The following NPRL3 variants were observed in gnomAD, a reference collection of about 807,000 sequenced individuals.
NPRL3 encodes GATOR1 complex protein NPRL3.
In NPRL3, 23 loss-of-function variants were observed where a neutral mutation model predicts 57.2. The observed-to-expected ratio is 0.40, with a 90% confidence interval of 0.29 to 0.57. NPRL3 has a LOEUF of 0.57. Among genes scored for constraint, NPRL3 ranks in the 20% least tolerant of loss-of-function variants. The pLI, the probability that NPRL3 is intolerant of heterozygous loss-of-function variation, is 0.42. For synonymous variants in NPRL3, 333 were observed against 321.1 expected (o/e 1.04, Z -0.39); for missense variants, 691 against 767.1 (o/e 0.90, Z 1.17).
rs531822636 is a variant in NPRL3, at chr16:99,216, G to A, written c.768-915C>T. On this transcript the variant is annotated intron_variant, in intron 8 of 13. Coordinates refer to ENST00000611875, the MANE Select transcript of NPRL3 (RefSeq NM_001077350.3). ...ACTGGGGAGGGTGGAACTAGGCAGC[G>A]CTTTGCTTTCTGTCATTTCCAAATT... 2.3e-4 allele frequency among the ~76,000 whole-genome samples: 35 copies of A among 152,294 alleles called. 1 individual carries two copies. The South Asian group carries it at 5.2e-3, about 23-fold the overall frequency.
chr16:137,833 G>A (rs916415571), intron 2 of NPRL3, among the ~76,000 whole-genome samples: 28 of 151,940 alleles, frequency 1.8e-4, no homozygotes, highest in Non-Finnish European at 3.8e-4. Context: ...CCAAAGTGCT[G>A]GGATTACCGC....
intron 4 of NPRL3, 84 bp downstream of exon 4, chr16:119,042 A>C (rs1162899443): frequency 1.3e-6 from 2 of 1,555,704 alleles, no homozygotes; most frequent in African/African-American, 2.9e-5. Flanking sequence ...AAGGAGAGCC[A>C]CACCTGCCCA....
At chr16:130,695 G>T in intron 2 of NPRL3, 104 bp from the exon 3 acceptor site, 2 of 1,039,552 alleles carry the variant, frequency 1.9e-6, no homozygotes, top group Non-Finnish European at 2.9e-6. Context: ...AACATGCTCT[G>T]TCCATACCAT....
intron 2 of NPRL3, among the ~76,000 whole-genome samples, chr16:131,652 A>G (rs1217600008): frequency 6.6e-6 from 1 of 151,520 alleles, no homozygotes; most frequent in Non-Finnish European, 1.5e-5. Flanking sequence ...CAGCAAAACA[A>G]TCGTTTTGCT....
chr16:88,737 G>C lies in NPRL3; in HGVS notation c.1505C>G (p.Pro502Arg). The change falls in exon 13 of 14, where the codon CCC becomes CGC. Residue 502 changes from proline to arginine, a missense_variant. Coordinates refer to ENST00000611875, the MANE Select transcript of NPRL3 (RefSeq NM_001077350.3). ...EHERAAILSV[P>R]AAQNPEDLRM... ...GAGGTCCTCAGGGTTCTGGGCTGCG[G>C]GTACACTGAGGATGGCTGCGCGTTC... is the stretch of plus-strand genomic sequence containing the variant. The C allele has an allele frequency of 1.2e-6, 2 of 1,613,518 alleles. No individual in the cohort carries two copies. Among genetic ancestry groups the C allele is most frequent in the Non-Finnish European group, 1.7e-6 (2 of 1,179,666 alleles).
At chr16:117,503 G>A (rs1900094344) in intron 4 of NPRL3, 128 bp from the exon 5 acceptor site, 2 of 645,376 alleles carry the variant, frequency 3.1e-6, no homozygotes, top group South Asian at 2.0e-5. Flanking sequence ...AGCAATGAAT[G>A]CCTTTGCTCT....
At chr16:98,906 C>G (rs1429021204) in intron 8 of NPRL3, among the ~76,000 whole-genome samples, 1 of 152,140 alleles carries the variant, frequency 6.6e-6, no homozygotes, top group African/African-American at 2.4e-5. Context: ...CCATTGCACT[C>G]CAGCCTGGCG....
intron 7 of NPRL3, among the ~76,000 whole-genome samples, chr16:103,325 T>TTTTTTTG (rs1899389976): frequency 7.7e-6 from 1 of 129,700 alleles, no homozygotes; most frequent in African/African-American, 3.0e-5. Flanking sequence ...TTTTTTTTTT[T>TTTTTTTG]GTAGAGACAG....
At chr16:122,283 G>A (rs1024127016) in intron 3 of NPRL3, among the ~76,000 whole-genome samples, 1 of 151,662 alleles carries the variant, frequency 6.6e-6, no homozygotes, top group Non-Finnish European at 1.5e-5. Context: ...TTTTTTAGTA[G>A]AGACAAGGTT....
In NPRL3 at chr16:134,579, G is replaced by C. The variant is rs533375131; in HGVS notation, c.118+3571C>G. 2.4e-4 allele frequency among the ~76,000 whole-genome samples: 37 copies of C among 151,720 alleles called. 1 individual carries two copies. In the South Asian group the frequency reaches 7.1e-3, roughly 29 times the overall value. On this transcript the variant is annotated intron_variant, in intron 2 of 13. Coordinates refer to ENST00000611875, the MANE Select transcript of NPRL3 (RefSeq NM_001077350.3). ...GAGTGGGACCTAATGCACTTGATGC[G>C]AAAGTTTACAGGGAAAAATAATAAA...
intron 2 of NPRL3, among the ~76,000 whole-genome samples, chr16:132,880 A>G (rs558681761): frequency 6.6e-6 from 1 of 152,178 alleles, no homozygotes; most frequent in Non-Finnish European, 1.5e-5. Flanking sequence ...TGTGTTAGCC[A>G]GGATGGTCTT....
At chr16:95,350 T>C (rs12934105) in intron 9 of NPRL3, among the ~76,000 whole-genome samples, 6,544 of 110,812 alleles carry the variant, frequency 0.059, 299 homozygotes, top group African/African-American at 0.13. Context: ...TATATATATA[T>C]ACACACACAC....
In NPRL3 at chr16:119,147, C is replaced by T. The variant is rs1567142676; in HGVS notation, c.297G>A (p.Leu99=). Residue 99 remains leucine (L), a synonymous_variant, in exon 4 of 14, where the codon CTG becomes CTA. Transcript: ENST00000611875. ...ATACCTGCCCCAGAGCATGCTGTAG[C>T]AGTGTTGGGTGCCCAACAAATCGCA... ...DNVRFVGHPT[L]LQHALGQISK... is the part of the protein sequence containing the mutation. The T allele has an allele frequency of 6.2e-7, 1 of 1,613,624 alleles. No homozygotes were observed. The highest frequency in any genetic ancestry group is 1.1e-5 in the South Asian group (1 of 90,976).
At chr16:111,448 ATT>A (rs1027695658) in intron 6 of NPRL3, among the ~76,000 whole-genome samples, 1 of 151,588 alleles carries the variant, frequency 6.6e-6, no homozygotes, top group African/African-American at 2.4e-5. Flanking sequence ...TTTTATTTTT[ATT>A]TATTTATTTT....
rs564318359 is a variant in NPRL3 at position 112,026 on chromosome 16, G to A, written c.547+596C>T. Reference sequence around the variant, plus strand: ...AAAAATTATTTTTAATAATTGGTTAGTTGATAACCCAATTAGGTCCTCCTT... The same window carrying A: ...AAAAATTATTTTTAATAATTGGTTAATTGATAACCCAATTAGGTCCTCCTT... On this transcript the variant is annotated intron_variant, in intron 6 of 13. Transcript: ENST00000611875. Among the ~76,000 whole-genome samples the A allele has an allele frequency of 6.1e-4, 93 of 152,278 alleles. 1 individual carries two copies. The highest frequency in any genetic ancestry group is 2.6e-4 in the Admixed American group (4 of 15,290).
chr16:127,690 T>C (rs1900589255), intron 3 of NPRL3, among the ~76,000 whole-genome samples: 1 of 151,362 alleles, frequency 6.6e-6, no homozygotes, highest in African/African-American at 2.4e-5. Context: ...AGTCTCACTC[T>C]GTTGCCCAGG....
chr16:126,794 A>G (rs916594973), intron 3 of NPRL3, among the ~76,000 whole-genome samples: 6 of 152,196 alleles, frequency 3.9e-5, no homozygotes, highest in Admixed American at 6.5e-5. Context: ...GACAATATCC[A>G]TTTTCTTTTC....
chr16:86,484 G>A lies in NPRL3; in HGVS notation c.*221C>T, dbSNP rs1596491605. On this transcript the variant is annotated 3_prime_UTR_variant, in exon 14 of 14. Coordinates refer to ENST00000611875, the MANE Select transcript of NPRL3 (RefSeq NM_001077350.3). ...CCTACGCGTGCGGCAAGGACTGGAG[G>A]GAAGCGTAGGAACACAGAGGGCAGC... 5.4e-6 allele frequency: 3 copies of A among 555,622 alleles called. No homozygotes were observed. The African/African-American group carries it at 5.6e-5, about 10-fold the overall frequency. 34.4% of individuals were successfully genotyped at this position (555,622 alleles called of 1,614,324 possible).
chr16:95,323 G>GTA lies in NPRL3; in HGVS notation c.925-1999_925-1998insTA, dbSNP rs1425173088. Among the ~76,000 whole-genome samples, 205 of 32,850 alleles carry GTA rather than the reference G, an allele frequency of 6.2e-3. 3 individuals carry two copies. Among genetic ancestry groups the GTA allele is most frequent in the African/African-American group, 0.012 (201 of 17,168 alleles). 21.6% of individuals were successfully genotyped at this position (32,850 alleles called of 152,430 possible). On this transcript the variant is annotated intron_variant, in intron 9 of 13. Transcript: ENST00000611875. ...ATAATACAAAATAAAATGTTTGTGTGTGTATATATATATATATATATATAT... is the reference window on the plus strand; with the variant it reads ...ATAATACAAAATAAAATGTTTGTGTGTATGTATATATATATATATATATATAT...
Sources: allele counts gnomAD v4.1 joint callset (sites outside exome capture counted in the v4.1 genomes callset), GRCh38; gene constraint gnomAD v4.1.1; transcripts MANE v1.5; gene names NCBI Gene and HGNC (gene_info 2026-07-23, HGNC 2026-07-21).